The following DNAJC5G variants were observed in gnomAD, a reference collection of about 807,000 sequenced individuals.
The protein encoded by DNAJC5G is DnaJ heat shock protein family (Hsp40) member C5 gamma.
DNAJC5G carries 13 observed loss-of-function variants against 19.1 expected under a neutral mutation model. That is an observed-to-expected ratio of 0.68 (90% CI 0.44 to 1.08). DNAJC5G has a LOEUF of 1.08. Ranked by LOEUF, DNAJC5G falls within the 50% of genes least tolerant of loss-of-function variation. DNAJC5G has a pLI of 0.00. For synonymous variants in DNAJC5G, 81 were observed against 84.4 expected (o/e 0.96, Z 0.22); for missense variants, 245 against 230.4 (o/e 1.06, Z -0.41).
chr2:27,279,926 A>AAAG lies in DNAJC5G; in HGVS notation c.521-224_521-222dup, dbSNP rs376234482. Among the ~76,000 whole-genome samples the AAAG allele has an allele frequency of 5.9e-3, 902 of 151,660 alleles. 5 individuals carry two copies. The highest frequency in any genetic ancestry group is 0.01 in the Middle Eastern group (3 of 288). ...TGACAGAGTGAGACCCTGTATCAAA[A>AAAG]AAGAAGAAGAAGAAGAAGGAAAGGA... is the stretch of plus-strand genomic sequence containing the variant. On this transcript the variant is annotated intron_variant, in intron 5 of 6. Coordinates refer to ENST00000296097, the MANE Select transcript of DNAJC5G (RefSeq NM_173650.3).
At chr2:27,277,410 C>T (rs1213043164) in intron 3 of DNAJC5G, among the ~76,000 whole-genome samples, 2 of 151,772 alleles carry the variant, frequency 1.3e-5, no homozygotes, top group Admixed American at 1.3e-4. Flanking sequence ...TTACAGGTGC[C>T]TGCCACTATG....
Position 27,280,497 on chromosome 2 carries a change from C to T in DNAJC5G, c.*87C>T, listed in dbSNP as rs1678323238. On this transcript the variant is annotated 3_prime_UTR_variant, in exon 7 of 7. Transcript: ENST00000296097. ...ACACATTGAAGAGAGGAGCAAGTAG[C>T]CCTGTCCTGACATTGACCCTGATTT... 2 of 367,004 alleles carry T rather than the reference C, an allele frequency of 5.4e-6. No individual in the cohort carries two copies. Among genetic ancestry groups the T allele is most frequent in the South Asian group, 3.5e-5 (1 of 28,360 alleles). The allele number at this position is 367,004 out of a possible 1,614,324, so 22.7% of individuals were successfully genotyped here.
Position 27,276,803 on chromosome 2 carries a change from G to A in DNAJC5G, c.75G>A (p.Lys25=). The A allele has an allele frequency of 6.2e-7, 1 of 1,614,008 alleles. No homozygotes were observed. Among genetic ancestry groups the A allele is most frequent in the Non-Finnish European group, 8.5e-7 (1 of 1,179,984 alleles). ...GCCTCTATGCAGTGCTGGATCTTAA[G>A]AAGGGCGCCTCACCTGAAGACTTCA... ...EMSLYAVLDL[K]KGASPEDFKK... Residue 25 remains lysine, a synonymous_variant, in exon 3 of 7, where the codon AAG becomes AAA. Coordinates refer to ENST00000296097, the MANE Select transcript of DNAJC5G (RefSeq NM_173650.3).
chr2:27,279,004 CAAA>C (rs1227842823), intron 5 of DNAJC5G, among the ~76,000 whole-genome samples: 4 of 56,840 alleles, frequency 7.0e-5, no homozygotes, highest in African/African-American at 1.1e-4. Context: ...GACTCCATCT[CAAA>C]AAAAAAAAAA....
intron 3 of DNAJC5G, 141 bp downstream of exon 3, chr2:27,276,982 G>A (rs1387450297): frequency 8.2e-6 from 6 of 729,286 alleles, no homozygotes; most frequent in Non-Finnish European, 6.4e-6. Flanking sequence ...CAGAGACAGA[G>A]ACTATTGAGA....
intron 5 of DNAJC5G, among the ~76,000 whole-genome samples, chr2:27,279,004 C>CAAAAAAAAA (rs1227842823): frequency 5.3e-5 from 3 of 56,838 alleles, no homozygotes. Context: ...GACTCCATCT[C>CAAAAAAAAA]AAAAAAAAAA....
At chr2:27,276,548 A>G in intron 2 of DNAJC5G, 161 bp downstream of exon 2, 1 of 553,212 alleles carries the variant, frequency 1.8e-6, no homozygotes, top group Non-Finnish European at 3.2e-6. Context: ...AATCTTTCTG[A>G]TCACCTGAAT....
At position 27,276,845 on chromosome 2, in the gene DNAJC5G, C is replaced by A; in HGVS notation, c.113+4C>A. The stretch of plus-strand genomic sequence containing the variant: ...AAGACTTCAAAAAATCCTACAGGTT[C>A]AGACCTCAGCCCTTTATTGATCCTT... On this transcript the variant is annotated splice_donor_region_variant and intron_variant, in intron 3 of 6. Transcript: ENST00000296097. 1 of 1,611,668 alleles carries A rather than the reference C, an allele frequency of 6.2e-7. No homozygotes were observed. The highest frequency in any genetic ancestry group is 8.5e-7 in the Non-Finnish European group (1 of 1,178,424).
chr2:27,278,832 C>T (rs368196367), intron 5 of DNAJC5G, among the ~76,000 whole-genome samples: 2,404 of 151,634 alleles, frequency 0.016, 32 homozygotes, highest in South Asian at 0.052. Flanking sequence ...TGGTGAAACC[C>T]TGTCTCTACT....
Position 27,275,499 on chromosome 2 carries a change from T to G in DNAJC5G, c.-340T>G. 1 of 328,264 alleles carries G rather than the reference T, an allele frequency of 3.0e-6. No homozygotes were observed. Among genetic ancestry groups the G allele is most frequent in the African/African-American group, 2.2e-5 (1 of 46,188 alleles). The allele number at this position is 328,264 out of a possible 1,614,324, so 20.3% of individuals were successfully genotyped here. On this transcript the variant is annotated 5_prime_UTR_variant, in exon 1 of 7. Coordinates refer to ENST00000296097, the MANE Select transcript of DNAJC5G (RefSeq NM_173650.3). Reference sequence around the variant, plus strand: ...ACTGCTGGACCCGGCCGGTGTGAAGTTTCACACCCAAAAGGATGAAGGGCA... The same window carrying G: ...ACTGCTGGACCCGGCCGGTGTGAAGGTTCACACCCAAAAGGATGAAGGGCA...
At chr2:27,276,471 C>G in intron 2 of DNAJC5G, 84 bp downstream of exon 2, 1 of 416,810 alleles carries the variant, frequency 2.4e-6, no homozygotes, top group East Asian at 4.8e-5. Context: ...TGTGGGATAT[C>G]TAGAGGTCTG....
Position 27,281,399 on chromosome 2 carries a change from G to T in DNAJC5G, c.*989G>T, listed in dbSNP as rs1317413493. ...TCCCTGGACTAGGAGAAAGGCTAAA[G>T]AATGTCAGTAAATAAAAGAGCTTTC... On this transcript the variant is annotated 3_prime_UTR_variant, in exon 7 of 7. Coordinates refer to ENST00000296097, the MANE Select transcript of DNAJC5G (RefSeq NM_173650.3). 1 of 152,308 alleles carries T rather than the reference G, an allele frequency of 6.6e-6. No individual in the cohort carries two copies. The highest frequency in any genetic ancestry group is 1.5e-5 in the Non-Finnish European group (1 of 68,038). The allele number at this position is 152,308 out of a possible 1,614,324, so 9.4% of individuals were successfully genotyped here. A position where few individuals can be genotyped will look rare whatever the true frequency, so the allele number is the denominator to read the frequency against.
At chr2:27,280,121 TA>T (rs1678302842) in intron 5 of DNAJC5G, 44 bp from the exon 6 acceptor site, 1 of 1,587,984 alleles carries the variant, frequency 6.3e-7, no homozygotes, top group Non-Finnish European at 8.6e-7. Flanking sequence ...TACGAAAAGT[TA>T]CTAAACGTTT....
chr2:27,278,701 A>G (rs1017525046), intron 5 of DNAJC5G, among the ~76,000 whole-genome samples: 4 of 147,418 alleles, frequency 2.7e-5, no homozygotes, highest in African/African-American at 1.0e-4. Flanking sequence ...AAAAAAAAAA[A>G]AAAAAAAGAA....
At chr2:27,276,882 C>G in intron 3 of DNAJC5G, 41 bp downstream of exon 3, 1 of 1,520,368 alleles carries the variant, frequency 6.6e-7, no homozygotes, top group South Asian at 1.2e-5. Flanking sequence ...GAATTTCCCC[C>G]TTAAACCTTT....
intron 3 of DNAJC5G, among the ~76,000 whole-genome samples, chr2:27,277,249 CGTTTGTTTGTTT>C (rs370986157): frequency 0.23 from 33,852 of 147,752 alleles, 4,070 homozygotes; most frequent in Admixed American, 0.34. Flanking sequence ...GCCTACGACC[CGTTTGTTTGTTT>C]GTTTGTTTGT....
Position 27,277,748 on chromosome 2 carries a change from C to T in DNAJC5G, c.114-6C>T. 1 of 1,613,838 alleles carries T rather than the reference C, an allele frequency of 6.2e-7. No individual in the cohort carries two copies. Among genetic ancestry groups the T allele is most frequent in the Non-Finnish European group, 8.5e-7 (1 of 1,179,782 alleles). Reference sequence around the variant, plus strand: ...CATGTCATTCATCGTAAGTCTCCTTCCCCAGCCATTCCGCATTGCTTCCCC... The same window carrying T: ...CATGTCATTCATCGTAAGTCTCCTTTCCCAGCCATTCCGCATTGCTTCCCC... On this transcript the variant is annotated splice_polypyrimidine_tract_variant and splice_region_variant and intron_variant, in intron 3 of 6. Coordinates refer to ENST00000296097, the MANE Select transcript of DNAJC5G (RefSeq NM_173650.3).
rs764653726 is a variant in DNAJC5G at position 27,277,920 on chromosome 2, T to G, written c.280T>G (p.Tyr94Asp). ...GAGCGACTCTAAGAAGCGGAAAATT[T>G]ACGACCAGCATGGCTCATTGGGAAT... ...ILSDSKKRKI[Y>D]DQHGSLGIYL... The change falls in exon 4 of 7, where the codon TAC becomes GAC. Residue 94 changes from tyrosine (Y) to aspartate (D), a missense_variant. Physicochemically the swap from Tyr to Asp is radical, Grantham distance 160. Transcript: ENST00000296097. 1.2e-6 allele frequency: 2 copies of G among 1,614,236 alleles called. No homozygotes were observed. The highest frequency in any genetic ancestry group is 2.2e-5 in the South Asian group (2 of 91,078).
At chr2:27,279,323 T>G (rs1678264157) in intron 5 of DNAJC5G, among the ~76,000 whole-genome samples, 1 of 79,654 alleles carries the variant, frequency 1.3e-5, no homozygotes, top group South Asian at 5.6e-4. Flanking sequence ...GGTGTTGAGA[T>G]GTAGTCTCAG....
Sources: gnomAD v4.1 joint callset for allele counts (sites outside exome capture counted in the v4.1 genomes callset) on GRCh38, gnomAD v4.1.1 for gene constraint, MANE v1.5 for transcripts, NCBI Gene and HGNC (gene_info 2026-07-23, HGNC 2026-07-21) for gene names.